NAIP: variants seen among roughly 807,000 people sequenced by gnomAD.
The protein encoded by NAIP is NLR family apoptosis inhibitory protein.
Under a neutral mutation model 23.0 loss-of-function variants are expected in NAIP, and 15 were observed. The ratio of observed to expected loss-of-function variants is 0.65; its 90% CI spans 0.44 to 1.00. The LOEUF (loss-of-function observed/expected upper bound fraction) is 1.00. NAIP is among the 50% of genes least tolerant of loss of function. The pLI is 0.00. For synonymous variants in NAIP, 100 were observed against 100.2 expected (o/e 1.00, Z 0.01); for missense variants, 265 against 278.8 (o/e 0.95, Z 0.35).
intron 4 of NAIP, chr5:71,011,686 A>G: frequency 2.1e-6 from 1 of 478,904 alleles, no homozygotes; most frequent in Non-Finnish European, 3.9e-6. Flanking sequence ...GGACCAGCTG[A>G]AGTAACGTGC....
chr5:71,008,118 G>A (rs1197403191), intron 5 of NAIP, among the ~76,000 whole-genome samples: 2 of 136,974 alleles, frequency 1.5e-5, no homozygotes, highest in Admixed American at 7.7e-5. Context: ...TGACCAGGCT[G>A]GAGTGCAGTG....
intron 9 of NAIP, among the ~76,000 whole-genome samples, chr5:70,989,234 CAAAA>C (rs964792255): frequency 8.5e-6 from 1 of 117,216 alleles, no homozygotes; most frequent in Non-Finnish European, 1.6e-5. Context: ...AACAAACAAA[CAAAA>C]AACTAACCAA....
rs2112923164 is a variant in NAIP, at chr5:71,011,340, A to G, written c.603T>C (p.Gly201=). Residue 201 remains glycine (G), a synonymous_variant, in exon 5 of 17, where the codon GGT becomes GGC. Transcript: ENST00000517649. The stretch of plus-strand genomic sequence containing the variant: ...CTTCTTCCCAATTTCCTAAACATCC[A>G]CCACAGGAAAAACACTGTACCGTGT... ...KQDTVQCFSC[G]GCLGNWEEGD... is the part of the protein sequence containing the mutation. The G allele has an allele frequency of 1.2e-6, 2 of 1,606,176 alleles. No individual in the cohort carries two copies. The highest frequency in any genetic ancestry group is 4.5e-5 in the East Asian group (2 of 44,602).
intron 5 of NAIP, among the ~76,000 whole-genome samples, chr5:71,007,931 GGAGAGGA>G (rs1188848899): frequency 1.5e-5 from 2 of 134,994 alleles, no homozygotes; most frequent in Non-Finnish European, 3.2e-5. Flanking sequence ...AGGGGAGATA[GGAGAGGA>G]GAGAGGAGAG....
chr5:71,009,275 T>G (rs2112914310), intron 5 of NAIP, among the ~76,000 whole-genome samples: 1 of 141,834 alleles, frequency 7.1e-6, no homozygotes, highest in African/African-American at 2.6e-5. Context: ...TGCTTGAGTC[T>G]GAGAGGTGGA....
intron 3 of NAIP, among the ~76,000 whole-genome samples, chr5:71,014,967 TTG>T (rs1202123485): frequency 6.6e-6 from 1 of 151,676 alleles, no homozygotes; most frequent in African/African-American, 2.4e-5. Flanking sequence ...CCTCATTAGG[TTG>T]TAGCAATAAG....
rs1163436208 is a variant in NAIP, at chr5:70,978,130, CAT to C, written c.3443-1074_3443-1073del. ...GTATGCACACACACACACACACACA[CAT>C]ATATATATATATATATATTTTTTTT... On this transcript the variant is annotated intron_variant, in intron 13 of 16. Transcript: ENST00000517649. Among the ~76,000 whole-genome samples, 108 of 35,404 alleles carry C rather than the reference CAT, an allele frequency of 3.1e-3. 5 individuals carry two copies. Among genetic ancestry groups the C allele is most frequent in the Admixed American group, 0.01 (17 of 1,668 alleles). 23.2% of individuals were successfully genotyped at this position (35,404 alleles called of 152,430 possible).
chr5:71,009,593 G>A (rs1378992834), intron 5 of NAIP, among the ~76,000 whole-genome samples: 2 of 151,346 alleles, frequency 1.3e-5, no homozygotes, highest in East Asian at 3.9e-4. Context: ...CGGAGGCTGA[G>A]GCACAAGAAT....
intron 3 of NAIP, 122 bp from the exon 4 acceptor site, chr5:71,013,040 A>G: frequency 1.1e-6 from 1 of 923,744 alleles, no homozygotes; most frequent in Non-Finnish European, 1.6e-6. Flanking sequence ...CACAAAAGAT[A>G]AATTGTTGGA....
intron 3 of NAIP, among the ~76,000 whole-genome samples, chr5:71,013,251 A>G (rs1167304968): frequency 6.6e-6 from 1 of 151,492 alleles, no homozygotes; most frequent in South Asian, 2.1e-4. Context: ...TTTATATTAA[A>G]GAAAAACATA....
chr5:71,012,874 C>G lies in NAIP; in HGVS notation c.42G>C (p.Gln14His), dbSNP rs748420579. 1 of 1,608,050 alleles carries G rather than the reference C, an allele frequency of 6.2e-7. No homozygotes were observed. The highest frequency in any genetic ancestry group is 8.5e-7 in the Non-Finnish European group (1 of 1,177,054). The part of the protein sequence containing the change: ...QQKASDERIS[Q>H]FDHNLLPELS... ...GCTCTGGCAGCAAATTGTGATCAAA[C>G]TGGGAGATCCTCTCGTCAGAGGCTT... is the stretch of plus-strand genomic sequence containing the variant. The change falls in exon 4 of 17, where the codon CAG (glutamine) becomes CAC (histidine). Residue 14 changes from glutamine to histidine, a missense_variant. Gln to His is a conservative substitution (Grantham distance 24). This residue lies in a region of NAIP where 261 missense variants were observed against 259.2 expected (regional missense o/e 1.01). Transcript: ENST00000517649.
At chr5:71,011,421 G>A in intron 4 of NAIP, 47 bp from the exon 5 acceptor site, 2 of 1,421,292 alleles carry the variant, frequency 1.4e-6, no homozygotes, top group South Asian at 1.2e-5. Flanking sequence ...TGGCACCAGG[G>A]GGTATGTACA....
intron 6 of NAIP, among the ~76,000 whole-genome samples, chr5:71,002,499 C>G (rs1344047847): frequency 6.7e-6 from 1 of 150,138 alleles, no homozygotes; most frequent in South Asian, 2.1e-4. Flanking sequence ...AGCTCCGCCT[C>G]CCAGGTTCAC....
intron 13 of NAIP, among the ~76,000 whole-genome samples, chr5:70,979,596 T>G (rs866880929): frequency 1.2e-5 from 1 of 86,312 alleles, no homozygotes; most frequent in African/African-American, 5.5e-5. Context: ...ATAATAATAA[T>G]AATAATAATA....
In NAIP at chr5:71,011,928, C is replaced by T. The variant is rs762940893; in HGVS notation, c.568+420G>A. The T allele has an allele frequency of 2.4e-5, 6 of 251,068 alleles. No homozygotes were observed. The East Asian group carries it at 6.4e-4, about 27-fold the overall frequency. The allele number at this position is 251,068 out of a possible 1,614,324, so 15.6% of individuals were successfully genotyped here. A position where few individuals can be genotyped will look rare whatever the true frequency, so the allele number is the denominator to read the frequency against. On this transcript the variant is annotated intron_variant, in intron 4 of 16. Transcript: ENST00000517649. ...GATTTATATATCATAACCCCTATGG[C>T]GGGGCTAGGACAAACAAACAAAACC... is the stretch of plus-strand genomic sequence containing the variant.
At chr5:70,973,115 T>C (rs1191712247) in intron 16 of NAIP, among the ~76,000 whole-genome samples, 1 of 151,790 alleles carries the variant, frequency 6.6e-6, no homozygotes, top group Admixed American at 6.6e-5. Context: ...TTAGCCAGGA[T>C]GGTCTCGATC....
rs751203754 is a variant in NAIP at position 71,011,314 on chromosome 5, C to T, written c.629G>A (p.Gly210Glu). Residue 210 changes from glycine to glutamate, a missense_variant, in exon 5 of 17, where the codon GGA becomes GAA. Gly to Glu is a moderately conservative substitution (Grantham distance 98, BLOSUM62 -2). Transcript: ENST00000517649. Reference sequence around the variant, plus strand: ...GGCATGTTCCTTCCAAGGATCATCTCCTTCTTCCCAATTTCCTAAACATCC... The same window carrying T: ...GGCATGTTCCTTCCAAGGATCATCTTCTTCTTCCCAATTTCCTAAACATCC... ...CGGCLGNWEE[G>E]DDPWKEHAKW... 7 of 1,607,304 alleles carry T rather than the reference C, an allele frequency of 4.4e-6. 1 individual carries two copies. The highest frequency in any genetic ancestry group is 1.1e-5 in the South Asian group (1 of 90,046).
At chr5:71,013,072 C>G (rs1751246371) in intron 3 of NAIP, among the ~76,000 whole-genome samples, 154 bp from the exon 4 acceptor site, 2 of 151,524 alleles carry the variant, frequency 1.3e-5, no homozygotes, top group South Asian at 4.2e-4. Flanking sequence ...CATCAGTATT[C>G]ATCTACTTAA....
chr5:71,017,469 G>T, intron 3 of NAIP, among the ~76,000 whole-genome samples: 1 of 121,134 alleles, frequency 8.3e-6, no homozygotes, highest in Non-Finnish European at 2.0e-5. Context: ...GGGCACAGTG[G>T]CTCACACCTG....
Sources: allele counts gnomAD v4.1 joint callset (sites outside exome capture counted in the v4.1 genomes callset), GRCh38; gene constraint gnomAD v4.1.1; regional missense constraint gnomAD v4.1.1; transcripts MANE v1.5; gene names NCBI Gene and HGNC (gene_info 2026-07-23, HGNC 2026-07-21).